Variants in PLCD1 observed in about 807,000 individuals in gnomAD.
PLCD1 encodes phospholipase C delta 1.
A neutral mutation model predicts 87.4 loss-of-function variants in PLCD1; 71 were observed. The ratio of observed to expected loss-of-function variants is 0.81; its 90% confidence interval spans 0.67 to 0.99. The LOEUF is 0.99. Among genes scored for constraint, PLCD1 ranks in the 50% least tolerant of loss-of-function variants. PLCD1 has a pLI of 0.00. For synonymous variants in PLCD1, 348 were observed against 399.2 expected (o/e 0.87, Z 1.53); for missense variants, 867 against 1,001.5 (o/e 0.87, Z 1.81).
intron 3 of PLCD1, 39 bp downstream of exon 3, chr3:38,016,452 C>T: frequency 7.0e-7 from 1 of 1,429,510 alleles, no homozygotes; most frequent in East Asian, 2.3e-5. Context: ...AGCCAGTGTC[C>T]ACAAGCCAGG....
chr3:38,013,415 G>A (rs1025729369), intron 3 of PLCD1, among the ~76,000 whole-genome samples: 2 of 151,678 alleles, frequency 1.3e-5, no homozygotes, highest in African/African-American at 2.4e-5. Context: ...GGGTTTCACC[G>A]TGTTAGCCAG....
intron 3 of PLCD1, among the ~76,000 whole-genome samples, chr3:38,014,073 A>G (rs1700121391): frequency 6.6e-6 from 1 of 152,236 alleles, no homozygotes; most frequent in South Asian, 2.1e-4. Flanking sequence ...AAATGAAAGA[A>G]GACATAAATA....
At position 38,016,534 on chromosome 3, in the gene PLCD1, T is replaced by C. The variant is rs1700157170; in HGVS notation, c.385A>G (p.Ile129Val). ...TGGTCCATGGAGCCTGAGTGGTGGA[T>C]GATCTTGTGCAGCCCCAGCACCCAG... ...QHWVLGLHKI[I>V]HHSGSMDQRQ... The change falls in exon 3 of 15, where the codon ATC becomes GTC. Residue 129 changes from isoleucine to valine, a missense_variant. Ile to Val is a conservative substitution (Grantham distance 29). Coordinates refer to ENST00000334661, the MANE Select transcript of PLCD1 (RefSeq NM_006225.4). The C allele has an allele frequency of 3.1e-6, 5 of 1,614,054 alleles. No homozygotes were observed. The East Asian group carries it at 1.1e-4, about 36-fold the overall frequency.
chr3:38,024,438 C>T (rs1284613562), intron 1 of PLCD1: 4 of 1,610,472 alleles, frequency 2.5e-6, no homozygotes, highest in Admixed American at 1.7e-5. Context: ...CTGCATGGCC[C>T]TCCACAGTGC....
intron 3 of PLCD1, 147 bp from the exon 4 acceptor site, chr3:38,011,820 T>C: frequency 1.4e-6 from 1 of 725,474 alleles, no homozygotes; most frequent in East Asian, 2.6e-5. Context: ...AGTGGCCTCT[T>C]CAGAGGAAAA....
In PLCD1 at chr3:38,008,037, A is replaced by G. The variant is rs750994560; in HGVS notation, c.2162T>C (p.Ile721Thr). ...SKNDFIGQST[I>T]PLNSLKQGYR... ...ACCTTGCTTGAGGCTGTTCAAGGGGATGGTACTCTGGCCAATGAAGTCATT... is the reference window on the plus strand; with the variant it reads ...ACCTTGCTTGAGGCTGTTCAAGGGGGTGGTACTCTGGCCAATGAAGTCATT... The change falls in exon 14 of 15, where the codon ATC becomes ACC. Residue 721 changes from isoleucine (I) to threonine (T), a missense_variant. Transcript: ENST00000334661. 22 of 1,614,032 alleles carry G rather than the reference A, an allele frequency of 1.4e-5. No individual in the cohort carries two copies. Among genetic ancestry groups the G allele is most frequent in the Non-Finnish European group, 1.6e-5 (19 of 1,180,024 alleles).
At chr3:38,028,905 G>A (rs893986874) in intron 1 of PLCD1, among the ~76,000 whole-genome samples, 3 of 152,266 alleles carry the variant, frequency 2.0e-5, no homozygotes, top group Admixed American at 1.3e-4. Flanking sequence ...CCTGTCCCCC[G>A]AGGAGGGTCG....
rs1700027941 is a variant in PLCD1 at position 38,009,296 on chromosome 3, C to T, written c.1582G>A (p.Ala528Thr). 1 of 1,614,044 alleles carries T rather than the reference C, an allele frequency of 6.2e-7. No homozygotes were observed. The highest frequency in any genetic ancestry group is 1.3e-5 in the African/African-American group (1 of 74,896). Residue 528 changes from alanine to threonine, a missense_variant, in exon 10 of 15, where the codon GCC becomes ACC. Transcript: ENST00000334661. ...CCTGATTCTTGGAGCAGTCGAAGGG[C>T]ACGGTTCTCAGAGAAGGACGCCATC... is the stretch of plus-strand genomic sequence containing the variant. The part of the protein sequence containing the change: ...YEMASFSENR[A>T]LRLLQESGNG...
chr3:38,008,317 A>G lies in PLCD1; in HGVS notation c.1953T>C (p.Ile651=), dbSNP rs1230529968. 1 of 1,614,192 alleles carries G rather than the reference A, an allele frequency of 6.2e-7. No individual in the cohort carries two copies. Residue 651 remains isoleucine, a synonymous_variant, in exon 13 of 15, where the codon ATT becomes ATC. Transcript: ENST00000334661. ...TCTCCACTGTCACTTTGGGGTCCAC[A>G]ATTGAATTCTTATTCTTGTTGACTT... ...LPKVNKNKNS[I]VDPKVTVEIH...
intron 11 of PLCD1, 61 bp downstream of exon 11, chr3:38,008,981 G>A: frequency 7.2e-7 from 1 of 1,379,942 alleles, no homozygotes; most frequent in East Asian, 2.3e-5. Flanking sequence ...GAGGCTCCAG[G>A]CCCCCGGCCT....
At chr3:38,012,560 A>G (rs1005982930) in intron 3 of PLCD1, among the ~76,000 whole-genome samples, 1 of 144,892 alleles carries the variant, frequency 6.9e-6, no homozygotes, top group African/African-American at 2.6e-5. Flanking sequence ...TCTGTTGCCC[A>G]GGCTAGAGTA....
At chr3:38,021,450 C>G (rs547176697) in intron 1 of PLCD1, among the ~76,000 whole-genome samples, 24 of 152,144 alleles carry the variant, frequency 1.6e-4, no homozygotes, top group African/African-American at 5.6e-4. Flanking sequence ...CCCAAAGATG[C>G]GATGCCCTCA....
chr3:38,016,650 T>C lies in PLCD1; in HGVS notation c.269A>G (p.Asp90Gly), dbSNP rs1439521336. The part of the protein sequence containing the change: ...RTEGLEKFAR[D>G]VPEDRCFSIV... Reference sequence around the variant, plus strand: ...GGAGAAGCAGCGGTCCTCGGGCACATCACGGGCGAACTTCTCCAGACCCTC... The same window carrying C: ...GGAGAAGCAGCGGTCCTCGGGCACACCACGGGCGAACTTCTCCAGACCCTC... The change falls in exon 3 of 15, where the codon GAT becomes GGT. Residue 90 changes from aspartate to glycine, a missense_variant. Transcript: ENST00000334661. 1.2e-6 allele frequency: 2 copies of C among 1,602,526 alleles called. No individual in the cohort carries two copies. Among genetic ancestry groups the C allele is most frequent in the Non-Finnish European group, 1.7e-6 (2 of 1,174,346 alleles).
intron 3 of PLCD1, among the ~76,000 whole-genome samples, chr3:38,012,745 C>G (rs767693795): frequency 3.9e-5 from 6 of 152,106 alleles, no homozygotes; most frequent in Non-Finnish European, 8.8e-5. Context: ...TTGAACTCCT[C>G]ACCTCAAGTG....
intron 3 of PLCD1, among the ~76,000 whole-genome samples, chr3:38,014,375 G>A (rs972014846): frequency 3.9e-5 from 6 of 152,102 alleles, no homozygotes; most frequent in African/African-American, 1.2e-4. Flanking sequence ...TGCAAGGACA[G>A]ACATATAGAC....
In PLCD1 at chr3:38,017,816, C is replaced by A. The variant is rs528564707; in HGVS notation, c.200-1097G>T. On this transcript the variant is annotated intron_variant, in intron 2 of 14. Coordinates refer to ENST00000334661, the MANE Select transcript of PLCD1 (RefSeq NM_006225.4). The surrounding 1 kb of genome is among the most constrained non-coding windows in gnomAD (Gnocchi z 4.7). ...GCCCACAGATGTAACATGTGCCAGC[C>A]TGGGCTGCAGGCTTTGAGGAGTGGG... 1.9e-4 allele frequency among the ~76,000 whole-genome samples: 29 copies of A among 152,360 alleles called. No individual in the cohort carries two copies. Among genetic ancestry groups the A allele is most frequent in the African/African-American group, 6.3e-4 (26 of 41,590 alleles).
At chr3:38,013,254 C>T (rs1700109756) in intron 3 of PLCD1, among the ~76,000 whole-genome samples, 1 of 149,928 alleles carries the variant, frequency 6.7e-6, no homozygotes, top group African/African-American at 2.5e-5. Context: ...GCTCTGTCAC[C>T]CAGGCTGGAG....
rs768147147 is a variant in PLCD1, at chr3:38,008,042, A to ACTCT, written c.2153_2156dup (p.Ser719ArgfsTer21). ...GCTTGAGGCTGTTCAAGGGGATGGT[A>ACTCT]CTCTGGCCAATGAAGTCATTCTTGG... On this transcript the variant is annotated frameshift_variant, in exon 14 of 15. Coordinates refer to ENST00000334661, the MANE Select transcript of PLCD1 (RefSeq NM_006225.4). LOFTEE classifies it high-confidence loss of function. 13 of 1,614,078 alleles carry ACTCT rather than the reference A, an allele frequency of 8.1e-6. No homozygotes were observed. In the South Asian group the frequency reaches 1.4e-4, roughly 18 times the overall value.
chr3:38,016,750 G>T, intron 2 of PLCD1, 31 bp from the exon 3 acceptor site: 1 of 1,460,560 alleles, frequency 6.8e-7, no homozygotes. Context: ...AGGAGAGAGG[G>T]AGAGAATGCT....
Sources: allele counts gnomAD v4.1 joint callset (sites outside exome capture counted in the v4.1 genomes callset), GRCh38; gene constraint gnomAD v4.1.1; non-coding constraint Gnocchi (gnomAD v3.1); transcripts MANE v1.5; gene names NCBI Gene and HGNC (gene_info 2026-07-23, HGNC 2026-07-21).